Variants in DDX1 observed in about 807,000 individuals in gnomAD.
The protein encoded by DDX1 is DEAD-box helicase 1, also known as ATP-dependent RNA helicase DDX1.
DDX1 carries 28 observed loss-of-function variants against 108.7 expected under a neutral mutation model. The ratio of observed to expected loss-of-function variants is 0.26; its 90% CI spans 0.19 to 0.35. DDX1 has a LOEUF of 0.35. Ranked by LOEUF, DDX1 falls within the 10% of genes least tolerant of loss-of-function variation. The pLI is 1.00. For synonymous variants in DDX1, 295 were observed against 288.9 expected, an observed-to-expected ratio of 1.02 and a Z score of -0.21; for missense variants, 710 against 884.5, an observed-to-expected ratio of 0.80 and a Z score of 2.50.
chr2:15,592,326 C>T (rs1665428142), intron 1 of DDX1, among the ~76,000 whole-genome samples: 1 of 152,204 alleles, frequency 6.6e-6, no homozygotes, highest in African/African-American at 2.4e-5. Context: ...CCCTTTTCTG[C>T]CCGCGGCTCA....
At chr2:15,607,664 G>A (rs1665687453) in intron 13 of DDX1, among the ~76,000 whole-genome samples, 2 of 152,196 alleles carry the variant, frequency 1.3e-5, no homozygotes, top group South Asian at 4.2e-4. Flanking sequence ...GTAGCTCACT[G>A]CAACCTTGAC....
intron 15 of DDX1, 117 bp downstream of exon 15, chr2:15,617,459 T>C (rs1665919316): frequency 9.0e-6 from 4 of 444,962 alleles, no homozygotes; most frequent in African/African-American, 4.1e-5. Flanking sequence ...GAGATAATCA[T>C]TGTTATCAGT....
chr2:15,613,538 C>T (rs1011242294), intron 14 of DDX1, among the ~76,000 whole-genome samples: 5 of 152,142 alleles, frequency 3.3e-5, no homozygotes, highest in African/African-American at 1.2e-4. Context: ...TTGAGAATTT[C>T]CTTCTGGCCT....
intron 25 of DDX1, among the ~76,000 whole-genome samples, chr2:15,630,482 T>C (rs2148751302): frequency 6.6e-6 from 1 of 152,366 alleles, no homozygotes; most frequent in East Asian, 1.9e-4. Context: ...CTGCCTGGGA[T>C]GCCCTTTTGT....
rs1573040883 is a variant in DDX1, at chr2:15,607,076, T to C, written c.818-99T>C. On this transcript the variant is annotated intron_variant, in intron 12 of 25. Transcript: ENST00000233084. ...CTTCTCTACTTTTTGACAATTATTA[T>C]GTAAAATGTTGATATTAGAATATTT... 2.7e-6 allele frequency: 3 copies of C among 1,109,430 alleles called. No homozygotes were observed. In the East Asian group the frequency reaches 7.4e-5, roughly 27 times the overall value. 68.7% of individuals were successfully genotyped at this position (1,109,430 alleles called of 1,614,324 possible). A position where few individuals can be genotyped will look rare whatever the true frequency, so the allele number is the denominator to read the frequency against.
rs376354826 is a variant in DDX1 at position 15,592,010 on chromosome 2, C to G, written c.16+61C>G. 3,847 of 1,336,486 alleles carry G rather than the reference C, an allele frequency of 2.9e-3. 10 individuals carry two copies. Among genetic ancestry groups the G allele is most frequent in the Middle Eastern group, 3.9e-3 (20 of 5,114 alleles). 82.8% of individuals were successfully genotyped at this position (1,336,486 alleles called of 1,614,324 possible). A position where few individuals can be genotyped will look rare whatever the true frequency, so the allele number is the denominator to read the frequency against. On this transcript the variant is annotated intron_variant, in intron 1 of 25. Coordinates refer to ENST00000233084, the MANE Select transcript of DDX1 (RefSeq NM_004939.3). ...CTTGTTGCACGCCTCAGCCCTGGGG[C>G]CGCCCGCGGAGAGCTAAAGGGGCGG...
At position 15,606,023 on chromosome 2, in the gene DDX1, G is replaced by T; in HGVS notation, c.699G>T (p.Leu233Phe). 1 of 1,587,100 alleles carries T rather than the reference G, an allele frequency of 6.3e-7. No individual in the cohort carries two copies. The highest frequency in any genetic ancestry group is 8.6e-7 in the Non-Finnish European group (1 of 1,169,260). Reference sequence around the variant, plus strand: ...AAGCCCTCTTTCCTGCCTGTGTTTTGAAGGTAATTAGGAATCTAGTTAGAA... The same window carrying T: ...AAGCCCTCTTTCCTGCCTGTGTTTTTAAGGTAATTAGGAATCTAGTTAGAA... The part of the protein sequence containing the change: ...KNQALFPACV[L>F]KNAELKFNFG... The change falls in exon 11 of 26, where the codon TTG becomes TTT. Residue 233 changes from leucine to phenylalanine, a missense_variant. Transcript: ENST00000233084.
chr2:15,601,507 C>G (rs1355121624), intron 6 of DDX1, among the ~76,000 whole-genome samples: 1 of 152,124 alleles, frequency 6.6e-6, no homozygotes, highest in African/African-American at 2.4e-5. Context: ...GCTCACAGAA[C>G]TCGGGGAAAT....
rs1295264073 is a variant in DDX1 at position 15,621,108 on chromosome 2, A to G, written c.1439A>G (p.Asn480Ser). ...HAKDNTRPGA[N>S]SPEMWSEAIK... is the part of the protein sequence containing the mutation. ...AAAGATAACACAAGACCTGGTGCTA[A>G]TAGTCCAGGTGAGTTAAAAGAGTCA... is the stretch of plus-strand genomic sequence containing the variant. The change falls in exon 18 of 26, where the codon AAT (asparagine) becomes AGT (serine). Residue 480 changes from asparagine (N) to serine (S), a missense_variant. By Grantham distance (46) the Asn-to-Ser change is conservative (BLOSUM62 1). Around this residue, in one of 3 missense-constraint regions of DDX1, gnomAD observed 661 missense variants for 810.2 expected, o/e 0.82. Transcript: ENST00000233084. 1.9e-6 allele frequency: 3 copies of G among 1,607,272 alleles called. No individual in the cohort carries two copies. The highest frequency in any genetic ancestry group is 2.6e-6 in the Non-Finnish European group (3 of 1,174,990).
chr2:15,623,658 C>A, intron 19 of DDX1, 76 bp downstream of exon 19: 1 of 1,241,026 alleles, frequency 8.1e-7, no homozygotes, highest in Non-Finnish European at 1.2e-6. Flanking sequence ...TTGATGCAAT[C>A]TAGAACACAT....
chr2:15,617,440 T>C, intron 15 of DDX1, 98 bp downstream of exon 15: 1 of 565,654 alleles, frequency 1.8e-6, no homozygotes, highest in South Asian at 3.5e-5. Flanking sequence ...GTCATGATCC[T>C]ACTACCTAGA....
chr2:15,594,438 GAA>G, intron 1 of DDX1, among the ~76,000 whole-genome samples: 1 of 152,270 alleles, frequency 6.6e-6, no homozygotes, highest in East Asian at 1.9e-4. Flanking sequence ...GTTCATATGA[GAA>G]ATGATAAAAT....
chr2:15,618,941 G>A (rs1665944428), intron 16 of DDX1, among the ~76,000 whole-genome samples: 2 of 152,242 alleles, frequency 1.3e-5, no homozygotes, highest in Non-Finnish European at 1.5e-5. Context: ...CAGAGTGGGT[G>A]TTGACAGCAG....
At chr2:15,612,771 G>A (rs1298145273) in intron 13 of DDX1, among the ~76,000 whole-genome samples, 5 of 152,242 alleles carry the variant, frequency 3.3e-5, no homozygotes, top group African/African-American at 9.6e-5. Context: ...TCGGGAGGCC[G>A]AGGCTGGCGG....
intron 25 of DDX1, 138 bp downstream of exon 25, chr2:15,630,248 C>T: frequency 1.2e-6 from 1 of 827,960 alleles, no homozygotes; most frequent in Non-Finnish European, 1.9e-6. Context: ...CCTTATTACC[C>T]TCATAGTACT....
chr2:15,626,069 A>G (rs1666097111), intron 19 of DDX1, among the ~76,000 whole-genome samples: 1 of 152,146 alleles, frequency 6.6e-6, no homozygotes, highest in African/African-American at 2.4e-5. Flanking sequence ...TTCCCTAAAT[A>G]TTCTGGATGT....
chr2:15,626,984 T>C, intron 19 of DDX1, 70 bp from the exon 20 acceptor site: 1 of 962,684 alleles, frequency 1.0e-6, no homozygotes, highest in South Asian at 1.5e-5. Context: ...GTCTGAATTT[T>C]ATTGGCTTTT....
At chr2:15,614,396 C>T (rs897347736) in intron 14 of DDX1, among the ~76,000 whole-genome samples, 1 of 152,106 alleles carries the variant, frequency 6.6e-6, no homozygotes, top group Non-Finnish European at 1.5e-5. Context: ...AATCATATTA[C>T]CATACTTGTT....
chr2:15,612,611 CG>C (rs1173025510), intron 13 of DDX1, among the ~76,000 whole-genome samples: 4 of 149,246 alleles, frequency 2.7e-5, no homozygotes, highest in African/African-American at 9.9e-5. Flanking sequence ...GGGTGGCGGC[CG>C]GGCAGAGGCT....
Sources: allele counts gnomAD v4.1 joint callset (sites outside exome capture counted in the v4.1 genomes callset), GRCh38; gene constraint gnomAD v4.1.1; regional missense constraint gnomAD v4.1.1; transcripts MANE v1.5; gene names NCBI Gene and HGNC (gene_info 2026-07-23, HGNC 2026-07-21).